Variants in NUP133 observed in about 807,000 individuals in gnomAD.
The protein encoded by NUP133 is nucleoporin 133, also known as nuclear pore complex protein Nup133.
NUP133 carries 66 observed loss-of-function variants against 146.2 expected under a neutral mutation model. The ratio of observed to expected loss-of-function variants is 0.45; its 90% CI spans 0.37 to 0.55. The LOEUF is 0.55. Among genes scored for constraint, NUP133 ranks in the 20% least tolerant of loss-of-function variants. The pLI, the probability that NUP133 is intolerant of heterozygous loss-of-function variation, is 0.00. For missense variants in NUP133, 1,277 were observed against 1,374.8 expected (o/e 0.93, Z 1.12); for synonymous variants, 521 against 498.8 (o/e 1.04, Z -0.59).
chr1:229,446,006 G>T (rs1044481217), intron 24 of NUP133, among the ~76,000 whole-genome samples: 2 of 152,166 alleles, frequency 1.3e-5, no homozygotes, highest in African/African-American at 4.8e-5. Context: ...TTCCTGGAAA[G>T]AATTTGTTCC....
chr1:229,458,255 A>ACGAGTTTC lies in NUP133; in HGVS notation c.2878_2885dup (p.Tyr963LysfsTer14). On this transcript the variant is annotated frameshift_variant, in exon 21 of 26. Transcript: ENST00000261396. LOFTEE classifies it high-confidence loss of function. ...GAAGGGTTTTCTTCTTTGCAAAGTA[A>ACGAGTTTC]CGAGTTTCCATATTTGCCAAACCCA... 6.2e-7 allele frequency: 1 copy of ACGAGTTTC among 1,613,558 alleles called. No individual in the cohort carries two copies. Among genetic ancestry groups the ACGAGTTTC allele is most frequent in the Non-Finnish European group, 8.5e-7 (1 of 1,179,664 alleles).
At chr1:229,499,207 G>C (rs1193967366) in intron 5 of NUP133, 2 of 470,748 alleles carry the variant, frequency 4.2e-6, no homozygotes, top group Non-Finnish European at 8.8e-6. Context: ...GCCAGATTTT[G>C]TTTCTTTGTG....
intron 8 of NUP133, among the ~76,000 whole-genome samples, chr1:229,492,603 G>A (rs1161186390): frequency 6.6e-6 from 1 of 151,642 alleles, no homozygotes; most frequent in East Asian, 1.9e-4. Context: ...ACTTCTGCTT[G>A]GACTCTTGAA....
intron 21 of NUP133, among the ~76,000 whole-genome samples, chr1:229,456,011 T>C (rs1208971813): frequency 1.3e-5 from 2 of 152,188 alleles, no homozygotes; most frequent in Non-Finnish European, 2.9e-5. Flanking sequence ...AGCCTGTCTT[T>C]TGTCTTTCAT....
chr1:229,475,618 C>A lies in NUP133; in HGVS notation c.1851+20G>T. 6.3e-7 allele frequency: 1 copy of A among 1,584,096 alleles called. No individual in the cohort carries two copies. Among genetic ancestry groups the A allele is most frequent in the South Asian group, 1.1e-5 (1 of 90,474 alleles). On this transcript the variant is annotated intron_variant, in intron 14 of 25. Coordinates refer to ENST00000261396, the MANE Select transcript of NUP133 (RefSeq NM_018230.3). The stretch of plus-strand genomic sequence containing the variant: ...GACTGCCAAAGGCAGAGCCCTGTGC[C>A]CAGCACCCTGCGCTCTTACTTGATG...
chr1:229,491,471 C>G (rs1661509564), intron 8 of NUP133, among the ~76,000 whole-genome samples: 2 of 151,938 alleles, frequency 1.3e-5, no homozygotes, highest in Admixed American at 1.3e-4. Context: ...ACTGTGAGAC[C>G]ATATATCTCT....
Position 229,441,729 on chromosome 1 carries a change from G to A in NUP133, c.*175C>T. 1 of 557,718 alleles carries A rather than the reference G, an allele frequency of 1.8e-6. No individual in the cohort carries two copies. Among genetic ancestry groups the A allele is most frequent in the Non-Finnish European group, 3.1e-6 (1 of 326,890 alleles). The allele number at this position is 557,718 out of a possible 1,614,324, so 34.5% of individuals were successfully genotyped here. The stretch of plus-strand genomic sequence containing the variant: ...GGTGGAAAAAACAAGTCACATAACT[G>A]AAAACCAAAATCACAGTTACATAAC... On this transcript the variant is annotated 3_prime_UTR_variant, in exon 26 of 26. Transcript: ENST00000261396.
At chr1:229,454,447 G>A (rs1024724022) in intron 21 of NUP133, among the ~76,000 whole-genome samples, 4 of 152,158 alleles carry the variant, frequency 2.6e-5, no homozygotes, top group Non-Finnish European at 5.9e-5. Context: ...AATCAGACTG[G>A]GAGGAAACCC....
intron 15 of NUP133, among the ~76,000 whole-genome samples, chr1:229,469,476 TGAG>T (rs1204803363): frequency 6.6e-6 from 1 of 152,110 alleles, no homozygotes; most frequent in Non-Finnish European, 1.5e-5. Context: ...AGGAGGTAGC[TGAG>T]GAGTTCAGTG....
chr1:229,503,673 C>T (rs140021448), intron 2 of NUP133, among the ~76,000 whole-genome samples: 1 of 152,282 alleles, frequency 6.6e-6, no homozygotes, highest in East Asian at 1.9e-4. Context: ...CTGAGTGAGG[C>T]TTTTTGCTCA....
chr1:229,503,604 G>A (rs1472376615), intron 2 of NUP133, among the ~76,000 whole-genome samples: 2 of 152,236 alleles, frequency 1.3e-5, no homozygotes, highest in African/African-American at 4.8e-5. Context: ...CAGAAAGGTA[G>A]AAGGGTGAAG....
chr1:229,446,243 C>T (rs1375535267), intron 24 of NUP133, among the ~76,000 whole-genome samples: 3 of 151,996 alleles, frequency 2.0e-5, no homozygotes, highest in South Asian at 2.1e-4. Context: ...CCGGTCTCTA[C>T]TAAAAATACA....
At position 229,486,496 on chromosome 1, in the gene NUP133, C is replaced by T; in HGVS notation, c.1375G>A (p.Gly459Ser). The T allele has an allele frequency of 1.2e-6, 2 of 1,609,422 alleles. No homozygotes were observed. Among genetic ancestry groups the T allele is most frequent in the Non-Finnish European group, 1.7e-6 (2 of 1,178,692 alleles). The change falls in exon 11 of 26, where the codon GGT becomes AGT. Residue 459 changes from glycine to serine, a missense_variant. Physicochemically the swap from Gly to Ser is moderately conservative, Grantham distance 56. This residue lies in a region of NUP133 where 952 missense variants were observed against 1,047.0 expected (regional missense o/e 0.91). Coordinates refer to ENST00000261396, the MANE Select transcript of NUP133 (RefSeq NM_018230.3). ...DSVLGAGACG[G>S]VPIIFSRNSG... Reference sequence around the variant, plus strand: ...TTTCTAGAAAAAATGATAGGAACACCACCACAGGCACCAGCACCTAAAACA... The same window carrying T: ...TTTCTAGAAAAAATGATAGGAACACTACCACAGGCACCAGCACCTAAAACA...
At chr1:229,475,530 G>T in intron 14 of NUP133, 108 bp downstream of exon 14, 1 of 745,002 alleles carries the variant, frequency 1.3e-6, no homozygotes, top group Non-Finnish European at 2.3e-6. Flanking sequence ...GAAAACACCA[G>T]TCATGCCCCA....
rs774469204 is a variant in NUP133 at position 229,441,955 on chromosome 1, G to A, written c.3420C>T (p.Phe1140=). ...QLGSLKSNPY[F]EFVLKANYEY... is the part of the protein sequence containing the mutation. Reference sequence around the variant, plus strand: ...CATAATTTGCTTTCAAAACAAACTCGAAGTAAGGATTGGACTTTAAGCTTC... The same window carrying A: ...CATAATTTGCTTTCAAAACAAACTCAAAGTAAGGATTGGACTTTAAGCTTC... Residue 1140 remains phenylalanine (F), a synonymous_variant, in exon 26 of 26, where the codon TTC becomes TTT. Coordinates refer to ENST00000261396, the MANE Select transcript of NUP133 (RefSeq NM_018230.3). 2.6e-4 allele frequency: 414 copies of A among 1,584,508 alleles called. No individual in the cohort carries two copies. Among genetic ancestry groups the A allele is most frequent in the Admixed American group, 1.3e-3 (65 of 50,146 alleles).
intron 21 of NUP133, among the ~76,000 whole-genome samples, chr1:229,456,126 TG>T (rs1660553642): frequency 6.6e-6 from 1 of 152,234 alleles, no homozygotes; most frequent in Non-Finnish European, 1.5e-5. Flanking sequence ...GTGAACATTT[TG>T]GCAAGAACAG....
chr1:229,493,430 T>C (rs1306652061), intron 8 of NUP133, among the ~76,000 whole-genome samples: 1 of 152,208 alleles, frequency 6.6e-6, no homozygotes, highest in Non-Finnish European at 1.5e-5. Context: ...TCCTCCTGTC[T>C]TGGCTTCCCA....
intron 24 of NUP133, among the ~76,000 whole-genome samples, chr1:229,447,014 C>G (rs7542044): frequency 0.13 from 19,789 of 151,800 alleles, 1,397 homozygotes; most frequent in Middle Eastern, 0.25. Context: ...ATCCCAGCTA[C>G]TCGGGAGGTT....
rs368211791 is a variant in NUP133, at chr1:229,449,118, G to A, written c.3245+8C>T. Reference sequence around the variant, plus strand: ...ACTTTCCAAAGAAGCAATGCCACGAGCACTTACTTATCTCTCTGAAGAGCT... The same window carrying A: ...ACTTTCCAAAGAAGCAATGCCACGAACACTTACTTATCTCTCTGAAGAGCT... On this transcript the variant is annotated splice_region_variant and intron_variant, in intron 24 of 25. Transcript: ENST00000261396. The A allele has an allele frequency of 2.7e-5, 43 of 1,605,100 alleles. No individual in the cohort carries two copies. The highest frequency in any genetic ancestry group is 3.5e-5 in the Non-Finnish European group (41 of 1,172,068).
Sources: gnomAD v4.1 joint callset for allele counts (sites outside exome capture counted in the v4.1 genomes callset) on GRCh38, gnomAD v4.1.1 for gene constraint, gnomAD v4.1.1 regional missense constraint, MANE v1.5 for transcripts, NCBI Gene and HGNC (gene_info 2026-07-23, HGNC 2026-07-21) for gene names.